COL22A1: variants seen among roughly 807,000 people sequenced by gnomAD.
COL22A1 encodes collagen type XXII alpha 1 chain.
In COL22A1, 221 loss-of-function variants were observed where a neutral mutation model predicts 248.9. That is an observed-to-expected ratio of 0.89 (90% confidence interval 0.80 to 0.99). The LOEUF is 0.99. Among genes scored for constraint, COL22A1 ranks in the 50% least tolerant of loss-of-function variants. The pLI is 0.00. For synonymous variants in COL22A1, 891 were observed against 793.4 expected (o/e 1.12, Z -2.07); for missense variants, 2,240 against 2,179.0 (o/e 1.03, Z -0.56).
intron 52 of COL22A1, among the ~76,000 whole-genome samples, chr8:138,622,927 G>T (rs1353511639): frequency 6.6e-6 from 1 of 151,914 alleles, no homozygotes; most frequent in Non-Finnish European, 1.5e-5. Context: ...CTTGCCCTTG[G>T]TGTAGTGTCT....
intron 56 of COL22A1, among the ~76,000 whole-genome samples, chr8:138,609,354 G>A (rs886660877): frequency 6.6e-6 from 1 of 152,210 alleles, no homozygotes; most frequent in Admixed American, 6.5e-5. Flanking sequence ...TTATGGGTCA[G>A]CGATCATAAA....
rs532154834 is a variant in COL22A1 at position 138,708,119 on chromosome 8, G to C, written c.2518-4772C>G. On this transcript the variant is annotated intron_variant, in intron 30 of 64. Transcript: ENST00000303045. ...TCTTCAAGGAGAACTACAAACCACTGCTCAAGGAAATAAAAGAGGACACAA... is the reference window on the plus strand; with the variant it reads ...TCTTCAAGGAGAACTACAAACCACTCCTCAAGGAAATAAAAGAGGACACAA... 9.6e-4 allele frequency among the ~76,000 whole-genome samples: 146 copies of C among 152,250 alleles called. No homozygotes were observed. In the East Asian group the frequency reaches 0.014, roughly 15 times the overall value.
intron 49 of COL22A1, among the ~76,000 whole-genome samples, chr8:138,633,652 C>T (rs1375721376): frequency 6.6e-6 from 1 of 152,174 alleles, no homozygotes; most frequent in Non-Finnish European, 1.5e-5. Flanking sequence ...CTCTCAATTG[C>T]CCCTCTTTGC....
chr8:138,879,403 G>A (rs1457692362), intron 2 of COL22A1, among the ~76,000 whole-genome samples: 1 of 152,024 alleles, frequency 6.6e-6, no homozygotes, highest in African/African-American at 2.4e-5. Flanking sequence ...AGAAGCCCTG[G>A]TCTTAAGGCC....
At position 138,878,095 on chromosome 8, in the gene COL22A1, C is replaced by T; in HGVS notation, c.313G>A (p.Ala105Thr). ...CCCCCGTGGTAGGCGAGACGCCGGG[C>T]AGCCGCCTTGACCTCCTCCTGCGAG... ...FGSQEEVKAA[A>T]RRLAYHGGNT... Residue 105 changes from alanine (A) to threonine (T), a missense_variant, in exon 3 of 65, where the codon GCC (alanine) becomes ACC (threonine). Coordinates refer to ENST00000303045, the MANE Select transcript of COL22A1 (RefSeq NM_152888.3). 6.3e-7 allele frequency: 1 copy of T among 1,599,860 alleles called. No individual in the cohort carries two copies. Among genetic ancestry groups the T allele is most frequent in the Non-Finnish European group, 8.5e-7 (1 of 1,174,312 alleles).
intron 10 of COL22A1, among the ~76,000 whole-genome samples, chr8:138,806,041 A>G (rs1310999914): frequency 1.9e-3 from 6 of 3,126 alleles, no homozygotes; most frequent in Non-Finnish European, 3.1e-3. Context: ...TGTGTGTGTG[A>G]TGGTGTAGGT....
At chr8:138,775,859 C>T (rs1185341353) in intron 16 of COL22A1, 107 bp downstream of exon 16, 11 of 1,093,402 alleles carry the variant, frequency 1.0e-5, no homozygotes, top group Non-Finnish European at 1.3e-5. Context: ...CATGCACACA[C>T]AAATGTGTAC....
At chr8:138,595,864 C>T (rs907625116) in intron 62 of COL22A1, among the ~76,000 whole-genome samples, 1 of 151,982 alleles carries the variant, frequency 6.6e-6, no homozygotes, top group African/African-American at 2.4e-5. Context: ...TTCTTTGCTG[C>T]AACAAGAACT....
chr8:138,844,181 G>C, intron 3 of COL22A1, 23 bp from the exon 4 acceptor site: 1 of 1,608,226 alleles, frequency 6.2e-7, no homozygotes, highest in Non-Finnish European at 8.5e-7. Context: ...AGAGGAAACA[G>C]AGACTGATGA....
intron 62 of COL22A1, among the ~76,000 whole-genome samples, chr8:138,595,559 C>T (rs188313316): frequency 1.9e-4 from 29 of 152,260 alleles, no homozygotes; most frequent in Admixed American, 1.4e-3. Context: ...CTCCTCTCAT[C>T]GCCTCCTTCT....
At chr8:138,600,688 A>G (rs895404278) in intron 60 of COL22A1, among the ~76,000 whole-genome samples, 1 of 152,220 alleles carries the variant, frequency 6.6e-6, no homozygotes, top group Non-Finnish European at 1.5e-5. Context: ...ATGTACCTGT[A>G]TTGCTTTTAA....
At chr8:138,707,240 C>A (rs1026998381) in intron 30 of COL22A1, among the ~76,000 whole-genome samples, 2 of 152,180 alleles carry the variant, frequency 1.3e-5, no homozygotes, top group African/African-American at 4.8e-5. Flanking sequence ...CCTTCTGAAA[C>A]TATTCCAATC....
chr8:138,738,994 C>T (rs1252986144), intron 22 of COL22A1, among the ~76,000 whole-genome samples: 1 of 152,150 alleles, frequency 6.6e-6, no homozygotes, highest in Non-Finnish European at 1.5e-5. Context: ...TGCCTTGGAC[C>T]AGCGCACCAT....
At chr8:138,782,266 T>A (rs767090656) in intron 12 of COL22A1, among the ~76,000 whole-genome samples, 2 of 152,226 alleles carry the variant, frequency 1.3e-5, no homozygotes, top group African/African-American at 2.4e-5. Context: ...TCACTCGAAC[T>A]GGAGTACAGT....
At chr8:138,601,339 C>G (rs1817990352) in intron 60 of COL22A1, among the ~76,000 whole-genome samples, 1 of 152,144 alleles carries the variant, frequency 6.6e-6, no homozygotes, top group Admixed American at 6.5e-5. Context: ...TCTCACTCCT[C>G]TGGCTGTGGG....
intron 3 of COL22A1, among the ~76,000 whole-genome samples, chr8:138,864,517 G>T (rs1487707787): frequency 1.3e-5 from 2 of 152,128 alleles, no homozygotes; most frequent in East Asian, 3.9e-4. Context: ...ATTCAAACCT[G>T]CCTCCCAGGT....
At chr8:138,678,432 C>A (rs564728672) in intron 40 of COL22A1, among the ~76,000 whole-genome samples, 6 of 152,254 alleles carry the variant, frequency 3.9e-5, no homozygotes, top group Middle Eastern at 3.4e-3. Flanking sequence ...CAGCAGTTCC[C>A]TCCTCAAATT....
chr8:138,671,729 T>TAC (rs753356406), intron 41 of COL22A1, among the ~76,000 whole-genome samples: 165 of 152,358 alleles, frequency 1.1e-3, no homozygotes, highest in South Asian at 4.3e-3. Context: ...AATGGCTTGA[T>TAC]GTGTACCTTA....
At chr8:138,787,477 A>G (rs938744163) in intron 12 of COL22A1, among the ~76,000 whole-genome samples, 5 of 152,246 alleles carry the variant, frequency 3.3e-5, no homozygotes, top group African/African-American at 1.2e-4. Flanking sequence ...CTCTGGCTCA[A>G]GATGGCTGGT....
Sources: allele counts gnomAD v4.1 joint callset (sites outside exome capture counted in the v4.1 genomes callset), GRCh38; gene constraint gnomAD v4.1.1; transcripts MANE v1.5; gene names NCBI Gene and HGNC (gene_info 2026-07-23, HGNC 2026-07-21).